ZSWIM6: variants seen among roughly 807,000 people sequenced by gnomAD.
ZSWIM6 encodes zinc finger SWIM domain-containing protein 6.
ZSWIM6 carries 9 observed loss-of-function variants against 113.2 expected under a neutral mutation model. The ratio of observed to expected loss-of-function variants is 0.08; its 90% CI spans 0.05 to 0.14. The LOEUF is 0.14. Ranked by LOEUF, ZSWIM6 falls within the 10% of genes least tolerant of loss-of-function variation. The pLI is 1.00. For synonymous variants in ZSWIM6, 611 were observed against 606.5 expected, an observed-to-expected ratio of 1.01 and a Z score of -0.11; for missense variants, 1,162 against 1,552.2, an observed-to-expected ratio of 0.75 and a Z score of 4.22.
intron 1 of ZSWIM6, among the ~76,000 whole-genome samples, chr5:61,383,726 T>C (rs1448939315): frequency 6.6e-6 from 1 of 151,532 alleles, no homozygotes; most frequent in Non-Finnish European, 1.5e-5. Flanking sequence ...TTTGTATTTT[T>C]AGTAGAGACG....
intron 1 of ZSWIM6, among the ~76,000 whole-genome samples, chr5:61,400,311 T>G (rs1745920901): frequency 6.6e-6 from 1 of 152,164 alleles, no homozygotes; most frequent in Non-Finnish European, 1.5e-5. Flanking sequence ...CTGTCTGCCC[T>G]CCCTCCCTCT....
intron 1 of ZSWIM6, among the ~76,000 whole-genome samples, chr5:61,346,272 G>T (rs1335357376): frequency 6.6e-6 from 1 of 152,128 alleles, no homozygotes; most frequent in Admixed American, 6.6e-5. Flanking sequence ...TCTTAAAACA[G>T]ATTCTTATAT....
intron 1 of ZSWIM6, among the ~76,000 whole-genome samples, chr5:61,445,590 A>C (rs972074007): frequency 1.3e-5 from 2 of 152,242 alleles, no homozygotes; most frequent in Non-Finnish European, 2.9e-5. Flanking sequence ...GATAATGGTG[A>C]ACACAACTAA....
chr5:61,492,433 C>T (rs1282969884), intron 3 of ZSWIM6, among the ~76,000 whole-genome samples: 6 of 151,996 alleles, frequency 3.9e-5, no homozygotes, highest in East Asian at 3.9e-4. Context: ...AAGACAGATA[C>T]GGGTTCTGAT....
chr5:61,426,134 G>A (rs1346760901), intron 1 of ZSWIM6, among the ~76,000 whole-genome samples: 2 of 152,138 alleles, frequency 1.3e-5, no homozygotes, highest in Admixed American at 6.6e-5. Flanking sequence ...GGCAGTTTAG[G>A]CCATTGCATG....
intron 1 of ZSWIM6, among the ~76,000 whole-genome samples, chr5:61,368,488 CAA>C (rs746665401): frequency 1.3e-4 from 20 of 152,260 alleles, no homozygotes; most frequent in Non-Finnish European, 2.4e-4. Context: ...CAGTAGAAAA[CAA>C]GAGAGAAAAA....
chr5:61,379,706 C>T (rs1745439651), intron 1 of ZSWIM6, among the ~76,000 whole-genome samples: 1 of 152,040 alleles, frequency 6.6e-6, no homozygotes, highest in South Asian at 2.1e-4. Context: ...TATGGAGTAT[C>T]GAGTAAAAAC....
chr5:61,427,983 T>C lies in ZSWIM6; in HGVS notation c.677-44698T>C, dbSNP rs150154278. Among the ~76,000 whole-genome samples the C allele has an allele frequency of 4.9e-3, 744 of 152,300 alleles. 5 individuals are homozygous for C. The highest frequency in any genetic ancestry group is 0.016 in the African/African-American group (680 of 41,566). ...TATTGTAGGTACCACCTCTTCCATA[T>C]TGAGAATCCGTTTTCCAGCTACTGG... is the stretch of plus-strand genomic sequence containing the variant. On this transcript the variant is annotated intron_variant, in intron 1 of 13. Coordinates refer to ENST00000252744, the MANE Select transcript of ZSWIM6 (RefSeq NM_020928.2).
intron 1 of ZSWIM6, among the ~76,000 whole-genome samples, chr5:61,441,005 A>C (rs772004802): frequency 6.6e-6 from 1 of 152,214 alleles, no homozygotes; most frequent in African/African-American, 2.4e-5. Flanking sequence ...GTTCTAGGTA[A>C]CAGTGGCCTT....
chr5:61,423,790 ACTT>A (rs1424294453), intron 1 of ZSWIM6, among the ~76,000 whole-genome samples: 2 of 152,178 alleles, frequency 1.3e-5, no homozygotes, highest in Non-Finnish European at 1.5e-5. Flanking sequence ...AGCCAAAAAG[ACTT>A]CTTCATATGT....
intron 4 of ZSWIM6, among the ~76,000 whole-genome samples, chr5:61,511,544 T>C (rs1748788047): frequency 6.6e-6 from 1 of 152,116 alleles, no homozygotes; most frequent in Non-Finnish European, 1.5e-5. Flanking sequence ...GATCAGATGA[T>C]AAGGGTGAAG....
intron 4 of ZSWIM6, among the ~76,000 whole-genome samples, chr5:61,508,128 G>C (rs769667936): frequency 6.6e-6 from 1 of 152,144 alleles, no homozygotes; most frequent in Admixed American, 6.5e-5. Context: ...GTGAAAATAC[G>C]TGTAAAGCAT....
At chr5:61,370,858 C>A (rs994526272) in intron 1 of ZSWIM6, among the ~76,000 whole-genome samples, 6 of 152,160 alleles carry the variant, frequency 3.9e-5, no homozygotes, top group African/African-American at 1.4e-4. Flanking sequence ...AGAACCCCTA[C>A]AAGTTACCTG....
At chr5:61,430,422 G>A (rs933422951) in intron 1 of ZSWIM6, among the ~76,000 whole-genome samples, 6 of 152,078 alleles carry the variant, frequency 3.9e-5, no homozygotes, top group Non-Finnish European at 7.4e-5. Flanking sequence ...TTGGTTTCCT[G>A]TTATATTAAA....
chr5:61,482,446 C>T (rs1172620795), intron 2 of ZSWIM6, among the ~76,000 whole-genome samples: 1 of 152,028 alleles, frequency 6.6e-6, no homozygotes, highest in Non-Finnish European at 1.5e-5. Flanking sequence ...ATGTGTATAC[C>T]TATGTGCATG....
intron 1 of ZSWIM6, among the ~76,000 whole-genome samples, chr5:61,337,284 C>CCA (rs1554028906): frequency 2.7e-5 from 4 of 147,280 alleles, no homozygotes; most frequent in Non-Finnish European, 4.6e-5. Flanking sequence ...GTCTCCCCCC[C>CCA]CAAAAAAAAC....
At chr5:61,359,217 G>A (rs1203441831) in intron 1 of ZSWIM6, among the ~76,000 whole-genome samples, 10 of 152,180 alleles carry the variant, frequency 6.6e-5, no homozygotes, top group African/African-American at 2.4e-4. Context: ...GGAGTTTGGG[G>A]AATGTCAGAG....
chr5:61,451,303 A>AT (rs916042614), intron 1 of ZSWIM6, among the ~76,000 whole-genome samples: 1 of 152,154 alleles, frequency 6.6e-6, no homozygotes, highest in African/African-American at 2.4e-5. Flanking sequence ...ACTACTTTTT[A>AT]TTTTTTTAAT....
chr5:61,349,251 G>A (rs1384482339), intron 1 of ZSWIM6, among the ~76,000 whole-genome samples: 7 of 152,064 alleles, frequency 4.6e-5, no homozygotes, highest in Non-Finnish European at 7.4e-5. Flanking sequence ...TGGAGTGAAA[G>A]ATGAATCTGC....
Sources: gnomAD v4.1 joint callset for allele counts (sites outside exome capture counted in the v4.1 genomes callset) on GRCh38, gnomAD v4.1.1 for gene constraint, MANE v1.5 for transcripts, NCBI Gene and HGNC (gene_info 2026-07-23, HGNC 2026-07-21) for gene names.